The following AGBL4 variants were observed in gnomAD, a reference collection of about 807,000 sequenced individuals.
AGBL4 encodes the protein AGBL carboxypeptidase 4, also known as cytosolic carboxypeptidase 6.
Under a neutral mutation model 66.4 loss-of-function variants are expected in AGBL4, and 58 were observed. The ratio of observed to expected loss-of-function variants is 0.87; its 90% CI spans 0.71 to 1.09. AGBL4 has a LOEUF of 1.09. Among genes scored for constraint, AGBL4 ranks in the 50% least tolerant of loss-of-function variants. The probability of loss-of-function intolerance (pLI) is 0.00; values close to 1 mark genes in which losing one functional copy is unlikely to be tolerated. For synonymous variants in AGBL4, 234 were observed against 222.9 expected (o/e 1.05, Z -0.44); for missense variants, 579 against 631.0 (o/e 0.92, Z 0.88).
intron 3 of AGBL4, among the ~76,000 whole-genome samples, chr1:49,603,493 C>A (rs971962737): frequency 2.0e-5 from 3 of 150,934 alleles, no homozygotes; most frequent in African/African-American, 7.3e-5. Flanking sequence ...CCACTGCACT[C>A]CAGCCTGGGC....
intron 8 of AGBL4, among the ~76,000 whole-genome samples, chr1:48,650,399 C>T (rs1557853994): frequency 6.6e-6 from 1 of 152,026 alleles, no homozygotes; most frequent in East Asian, 1.9e-4. Context: ...TGATCAGTTC[C>T]TGGGAAGTCT....
At chr1:49,763,387 T>C (rs904368474) in intron 2 of AGBL4, among the ~76,000 whole-genome samples, 1 of 152,222 alleles carries the variant, frequency 6.6e-6, no homozygotes, top group African/African-American at 2.4e-5. Flanking sequence ...AATTTTAAGA[T>C]TATTTTTTTC....
At chr1:49,503,049 C>T (rs1157245028) in intron 3 of AGBL4, among the ~76,000 whole-genome samples, 2 of 152,174 alleles carry the variant, frequency 1.3e-5, no homozygotes, top group South Asian at 4.1e-4. Context: ...ATCACAGACC[C>T]AGGGGCCAAG....
At chr1:49,657,137 A>C (rs201362218) in intron 3 of AGBL4, among the ~76,000 whole-genome samples, 2 of 152,266 alleles carry the variant, frequency 1.3e-5, no homozygotes, top group Middle Eastern at 3.4e-3. Context: ...TCTCCTTAAG[A>C]TGATAAGCAG....
At chr1:49,272,820 C>T (rs1184852327) in intron 3 of AGBL4, among the ~76,000 whole-genome samples, 1 of 152,024 alleles carries the variant, frequency 6.6e-6, no homozygotes, top group Non-Finnish European at 1.5e-5. Context: ...AATAAATACT[C>T]ATTAATAAAC....
chr1:48,932,368 T>G (rs1484204403), intron 5 of AGBL4, among the ~76,000 whole-genome samples: 1 of 152,130 alleles, frequency 6.6e-6, no homozygotes, highest in Admixed American at 6.6e-5. Context: ...GTCATGAAAT[T>G]AATGGAAAGG....
At chr1:48,616,565 A>G (rs1645322028) in intron 9 of AGBL4, among the ~76,000 whole-genome samples, 1 of 152,228 alleles carries the variant, frequency 6.6e-6, no homozygotes, top group Non-Finnish European at 1.5e-5. Context: ...GGGCCAAATT[A>G]CTTCATCCCC....
At chr1:49,004,125 C>T (rs12116829) in intron 5 of AGBL4, among the ~76,000 whole-genome samples, 15,532 of 152,244 alleles carry the variant, frequency 0.1, 1,274 homozygotes, top group African/African-American at 0.22. Context: ...CCCTCTCTTA[C>T]TCCGCATAAC....
At chr1:49,183,577 A>G (rs961259724) in intron 4 of AGBL4, among the ~76,000 whole-genome samples, 7 of 152,070 alleles carry the variant, frequency 4.6e-5, no homozygotes, top group African/African-American at 1.4e-4. Flanking sequence ...GCTCCTCATC[A>G]TCTATGAGGT....
intron 3 of AGBL4, among the ~76,000 whole-genome samples, chr1:49,646,658 T>G (rs142990105): frequency 1.8e-4 from 27 of 152,126 alleles, no homozygotes; most frequent in African/African-American, 5.5e-4. Flanking sequence ...AACAAGGTTT[T>G]TTATAGAAAT....
intron 3 of AGBL4, among the ~76,000 whole-genome samples, chr1:49,297,070 T>A (rs1644658102): frequency 6.6e-6 from 1 of 152,240 alleles, no homozygotes; most frequent in African/African-American, 2.4e-5. Context: ...AGGCAGCTCA[T>A]TCCTTCAGCT....
intron 3 of AGBL4, among the ~76,000 whole-genome samples, chr1:49,269,502 A>T (rs574288094): frequency 1.3e-4 from 20 of 152,342 alleles, no homozygotes; most frequent in Non-Finnish European, 1.5e-5. Context: ...TCCAGAAAAG[A>T]TTAACTGAGA....
chr1:48,759,350 T>C lies in AGBL4; in HGVS notation c.635-96109A>G, dbSNP rs1644132111. ...GGGATTTTCTTGGACTGCAGATCAATATTTCCCCAGACAATCCTAAAATCA... is the reference window on the plus strand; with the variant it reads ...GGGATTTTCTTGGACTGCAGATCAACATTTCCCCAGACAATCCTAAAATCA... On this transcript the variant is annotated intron_variant, in intron 6 of 13. Transcript: ENST00000371839. 2.6e-6 allele frequency: 4 copies of C among 1,509,916 alleles called. No homozygotes were observed. In the South Asian group the frequency reaches 3.9e-5, roughly 15 times the overall value. The allele number at this position is 1,509,916 out of a possible 1,614,324, so 93.5% of individuals were successfully genotyped here. A position where few individuals can be genotyped will look rare whatever the true frequency, so the allele number is the denominator to read the frequency against.
chr1:49,606,247 G>A (rs773898336), intron 3 of AGBL4, among the ~76,000 whole-genome samples: 4 of 152,112 alleles, frequency 2.6e-5, no homozygotes, highest in African/African-American at 4.8e-5. Flanking sequence ...CTCCACAGGC[G>A]AGAGCTGCTG....
At chr1:49,005,660 C>A (rs1205686236) in intron 5 of AGBL4, among the ~76,000 whole-genome samples, 2 of 152,140 alleles carry the variant, frequency 1.3e-5, no homozygotes. Flanking sequence ...CATAGGCATG[C>A]ATGATAGGAA....
intron 1 of AGBL4, among the ~76,000 whole-genome samples, chr1:49,934,915 A>C (rs77100849): frequency 2.6e-5 from 4 of 152,176 alleles, no homozygotes; most frequent in African/African-American, 9.6e-5. Flanking sequence ...TACAGAAAAC[A>C]GGCGATTTCC....
intron 9 of AGBL4, among the ~76,000 whole-genome samples, chr1:48,608,837 A>G (rs1645193015): frequency 6.6e-6 from 1 of 152,214 alleles, no homozygotes; most frequent in African/African-American, 2.4e-5. Flanking sequence ...AAAAAAAACC[A>G]AACACCCGAG....
intron 4 of AGBL4, among the ~76,000 whole-genome samples, chr1:49,073,670 G>T (rs991077003): frequency 1.3e-5 from 2 of 152,164 alleles, no homozygotes; most frequent in Non-Finnish European, 2.9e-5. Flanking sequence ...GATCTCTCTT[G>T]TATGAGGGGT....
intron 6 of AGBL4, among the ~76,000 whole-genome samples, chr1:48,764,469 T>C (rs1014071987): frequency 2.6e-5 from 4 of 152,138 alleles, no homozygotes; most frequent in South Asian, 2.1e-4. Flanking sequence ...GGGTAAAGAA[T>C]AGAAGCCAAA....
Sources: gnomAD v4.1 joint callset for allele counts (sites outside exome capture counted in the v4.1 genomes callset) on GRCh38, gnomAD v4.1.1 for gene constraint, MANE v1.5 for transcripts, NCBI Gene and HGNC (gene_info 2026-07-23, HGNC 2026-07-21) for gene names.